Variants in FER1L6 observed in about 807,000 individuals in gnomAD.
The protein encoded by FER1L6 is fer-1 like family member 6.
FER1L6 carries 177 observed loss-of-function variants against 219.2 expected under a neutral mutation model. The observed-to-expected ratio is 0.81, with a 90% CI of 0.71 to 0.91. FER1L6 has a LOEUF of 0.91. Ranked by LOEUF, FER1L6 falls within the 40% of genes least tolerant of loss-of-function variation. The probability of loss-of-function intolerance (pLI) is 0.00; values close to 1 mark genes in which losing one functional copy is unlikely to be tolerated. For synonymous variants in FER1L6, 768 were observed against 824.3 expected (o/e 0.93, Z 1.17); for missense variants, 2,153 against 2,259.9 (o/e 0.95, Z 0.96).
intron 1 of FER1L6, among the ~76,000 whole-genome samples, chr8:123,946,987 A>AG (rs1814522659): frequency 6.6e-6 from 1 of 152,146 alleles, no homozygotes; most frequent in African/African-American, 2.4e-5. Context: ...CTGGTGGTAG[A>AG]GAAATAGCCA....
In FER1L6 at chr8:123,975,938, T is replaced by C. The variant is rs1355850912; in HGVS notation, c.724T>C (p.Trp242Arg). Residue 242 changes from tryptophan to arginine, a missense_variant, in exon 9 of 41, where the codon TGG becomes CGG. By Grantham distance (101) the Trp-to-Arg change is moderately radical. Coordinates refer to ENST00000522917, the MANE Select transcript of FER1L6 (RefSeq NM_001039112.2). ...IPNGFPLERP[W>R]ARFYVRLYKA... ...CAATGGGTTTCCACTGGAGAGACCGTGGGCCAGATTCTATGTGAGACTCTA... is the reference window on the plus strand; with the variant it reads ...CAATGGGTTTCCACTGGAGAGACCGCGGGCCAGATTCTATGTGAGACTCTA... The C allele has an allele frequency of 6.2e-7, 1 of 1,613,570 alleles. No individual in the cohort carries two copies.
chr8:123,939,757 C>T lies in FER1L6; in HGVS notation c.-7-16235C>T, dbSNP rs183331475. On this transcript the variant is annotated intron_variant, in intron 1 of 40. Coordinates refer to ENST00000522917, the MANE Select transcript of FER1L6 (RefSeq NM_001039112.2). ...CTCAGCAGCTGGAGCTGTCAGTCAGCGTGTGCTCCCTGTAGCTGGAGATTG... is the reference window on the plus strand; with the variant it reads ...CTCAGCAGCTGGAGCTGTCAGTCAGTGTGTGCTCCCTGTAGCTGGAGATTG... Among the ~76,000 whole-genome samples, 372 of 152,250 alleles carry T rather than the reference C, an allele frequency of 2.4e-3. 2 individuals carry two copies. The highest frequency in any genetic ancestry group is 6.8e-3 in the Middle Eastern group (2 of 294).
At chr8:123,946,527 T>C (rs1004691867) in intron 1 of FER1L6, among the ~76,000 whole-genome samples, 7 of 152,238 alleles carry the variant, frequency 4.6e-5, no homozygotes, top group African/African-American at 1.7e-4. Flanking sequence ...GTGCTGGGAT[T>C]ACAGGTGTGA....
intron 15 of FER1L6, among the ~76,000 whole-genome samples, chr8:124,013,928 T>A (rs1455509209): frequency 2.0e-5 from 3 of 152,074 alleles, no homozygotes; most frequent in Non-Finnish European, 4.4e-5. Context: ...AAACATCTCT[T>A]CTCTGAAGGC....
chr8:124,057,337 G>T (rs1820347248), intron 22 of FER1L6, among the ~76,000 whole-genome samples: 1 of 152,050 alleles, frequency 6.6e-6, no homozygotes, highest in Non-Finnish European at 1.5e-5. Flanking sequence ...CATTCTTATT[G>T]TTGCTCCTTA....
intron 1 of FER1L6, among the ~76,000 whole-genome samples, chr8:123,938,958 G>A (rs1814115017): frequency 6.6e-6 from 1 of 152,152 alleles, no homozygotes; most frequent in Non-Finnish European, 1.5e-5. Flanking sequence ...TATTCTTCAA[G>A]GGAAGAGTAC....
At chr8:123,894,431 C>T (rs778009451) in intron 1 of FER1L6, among the ~76,000 whole-genome samples, 52 of 152,236 alleles carry the variant, frequency 3.4e-4, no homozygotes, top group Middle Eastern at 6.8e-3. Flanking sequence ...GCTTTCTATG[C>T]GGTGAGCAGC....
intron 1 of FER1L6, among the ~76,000 whole-genome samples, chr8:123,891,385 A>G (rs943412347): frequency 6.6e-6 from 1 of 152,158 alleles, no homozygotes; most frequent in Admixed American, 6.6e-5. Flanking sequence ...TTATTCTCAT[A>G]TTGAAGTTCC....
rs535305691 is a variant in FER1L6 at position 124,069,336 on chromosome 8, C to G, written c.3719-24C>G. On this transcript the variant is annotated intron_variant, in intron 28 of 40. Transcript: ENST00000522917. ...TCTCATCTCAACCGCCATGAGAAAC[C>G]TAATTTCTGCTGAATATCCACAGAG... 3.8e-6 allele frequency: 6 copies of G among 1,567,294 alleles called. No homozygotes were observed. The East Asian group carries it at 9.0e-5, about 24-fold the overall frequency.
At chr8:123,992,182 TG>T (rs201823392) in intron 12 of FER1L6, among the ~76,000 whole-genome samples, 2,909 of 152,228 alleles carry the variant, frequency 0.019, 40 homozygotes, top group Non-Finnish European at 0.029. Context: ...TGTCCTTTCC[TG>T]GTTTTGGAAT....
At chr8:123,906,465 A>G (rs764110519) in intron 1 of FER1L6, among the ~76,000 whole-genome samples, 140 of 152,216 alleles carry the variant, frequency 9.2e-4, no homozygotes, top group Non-Finnish European at 1.4e-3. Flanking sequence ...GTGTTTGACA[A>G]CAACAACACA....
Position 124,067,734 on chromosome 8 carries a change from G to A in FER1L6, c.3679-33G>A, listed in dbSNP as rs561485025. 6.8e-5 allele frequency: 107 copies of A among 1,577,422 alleles called. 1 individual carries two copies. In the South Asian group the frequency reaches 1.1e-3, roughly 16 times the overall value. ...GCAGTCAATTAATAAATCAAGTATT[G>A]TGGTGTCAATAATATTGTCTCCTTT... On this transcript the variant is annotated intron_variant, in intron 27 of 40. Coordinates refer to ENST00000522917, the MANE Select transcript of FER1L6 (RefSeq NM_001039112.2).
At chr8:124,074,663 A>G (rs1045969235) in intron 31 of FER1L6, among the ~76,000 whole-genome samples, 6 of 152,124 alleles carry the variant, frequency 3.9e-5, no homozygotes, top group Admixed American at 6.6e-5. Flanking sequence ...AAAAAAAAAA[A>G]AAAGAAAAAG....
chr8:124,062,046 C>CT lies in FER1L6; in HGVS notation c.3328+16dup. On this transcript the variant is annotated intron_variant, in intron 25 of 40. Transcript: ENST00000522917. The stretch of plus-strand genomic sequence containing the variant: ...AGCCTGGGCACGGTGAGAAGCTGCT[C>CT]TTAGATTTTGTAGCTGTAACTATAA... 6.2e-7 allele frequency: 1 copy of CT among 1,613,608 alleles called. No individual in the cohort carries two copies. The highest frequency in any genetic ancestry group is 1.7e-4 in the Middle Eastern group (1 of 6,020).
At chr8:123,869,340 C>T (rs1816887956) in intron 1 of FER1L6, among the ~76,000 whole-genome samples, 1 of 152,176 alleles carries the variant, frequency 6.6e-6, no homozygotes, top group Non-Finnish European at 1.5e-5. Flanking sequence ...CACATCTCTT[C>T]CCCTGTGCTC....
chr8:123,873,019 C>A (rs1472608831), intron 1 of FER1L6, among the ~76,000 whole-genome samples: 1 of 152,228 alleles, frequency 6.6e-6, no homozygotes, highest in Non-Finnish European at 1.5e-5. Flanking sequence ...GCTAAGATAT[C>A]TTCTTGCCTG....
chr8:123,919,637 TAGAGCCCCTTA>T (rs1374175537), intron 1 of FER1L6, among the ~76,000 whole-genome samples: 5 of 152,238 alleles, frequency 3.3e-5, no homozygotes, highest in Admixed American at 6.5e-5. Context: ...AATGGAAACG[TAGAGCCCCTTA>T]AGTTTAAAAG....
intron 1 of FER1L6, among the ~76,000 whole-genome samples, chr8:123,859,413 G>A (rs1224971122): frequency 6.6e-6 from 1 of 152,110 alleles, no homozygotes; most frequent in Non-Finnish European, 1.5e-5. Context: ...TGGTGAGAAT[G>A]TTAAAAATCT....
chr8:123,915,969 C>A (rs371507495), intron 1 of FER1L6, among the ~76,000 whole-genome samples: 2 of 152,240 alleles, frequency 1.3e-5, no homozygotes, highest in East Asian at 3.9e-4. Context: ...TACCCTATGT[C>A]CATTTTGCAT....
Sources: gnomAD v4.1 joint callset for allele counts (sites outside exome capture counted in the v4.1 genomes callset) on GRCh38, gnomAD v4.1.1 for gene constraint, MANE v1.5 for transcripts, NCBI Gene and HGNC (gene_info 2026-07-23, HGNC 2026-07-21) for gene names.